The following CERKL variants were observed in gnomAD, a reference collection of about 807,000 sequenced individuals.
CERKL encodes ceramide kinase-like protein.
CERKL carries 61 observed loss-of-function variants against 63.4 expected under a neutral mutation model. That is an observed-to-expected ratio of 0.96 (90% confidence interval 0.78 to 1.19). The LOEUF is 1.19. Among genes scored for constraint, CERKL ranks in the 50% most tolerant of loss-of-function variants. CERKL has a pLI of 0.00. For missense variants in CERKL, 675 were observed against 655.5 expected (o/e 1.03, Z -0.33); for synonymous variants, 250 against 230.5 (o/e 1.08, Z -0.77).
Position 181,538,247 on chromosome 2 carries a change from G to T in CERKL, c.1539-3C>A, listed in dbSNP as rs539464631. ...GACTGATAAGTCTTGGATGCAATCT[G>T]TAAAGAAAATACATTATTTCATCAA... On this transcript the variant is annotated splice_region_variant and splice_polypyrimidine_tract_variant and intron_variant, in intron 12 of 12. Coordinates refer to ENST00000410087, the MANE Select transcript of CERKL (RefSeq NM_201548.5). 3 of 1,560,672 alleles carry T rather than the reference G, an allele frequency of 1.9e-6. No individual in the cohort carries two copies. Among genetic ancestry groups the T allele is most frequent in the South Asian group, 1.1e-5 (1 of 89,818 alleles).
chr2:181,611,468 G>A (rs990646610), intron 1 of CERKL, among the ~76,000 whole-genome samples: 1 of 152,050 alleles, frequency 6.6e-6, no homozygotes, highest in Admixed American at 6.6e-5. Flanking sequence ...AGACCAGCCT[G>A]GGCAACATAG....
intron 2 of CERKL, among the ~76,000 whole-genome samples, chr2:181,574,684 C>T (rs958411015): frequency 5.3e-5 from 8 of 152,022 alleles, no homozygotes; most frequent in Non-Finnish European, 8.8e-5. Flanking sequence ...AGCTGACAAC[C>T]GTTTCTTTTA....
intron 1 of CERKL, among the ~76,000 whole-genome samples, chr2:181,612,169 C>A (rs528818221): frequency 3.9e-5 from 6 of 152,196 alleles, no homozygotes; most frequent in African/African-American, 1.4e-4. Flanking sequence ...AGATTTGAAT[C>A]CAAGCATTTT....
Position 181,537,219 on chromosome 2 carries a change from TTC to T in CERKL, c.*963_*964del. 1 of 452,990 alleles carries T rather than the reference TTC, an allele frequency of 2.2e-6. No individual in the cohort carries two copies. Among genetic ancestry groups the T allele is most frequent in the African/African-American group, 2.0e-5 (1 of 50,046 alleles). 28.1% of individuals were successfully genotyped at this position (452,990 alleles called of 1,614,324 possible). On this transcript the variant is annotated 3_prime_UTR_variant, in exon 13 of 13. Transcript: ENST00000410087. ...AATCAAGCCCCGATTTAGAACTGTC[TTC>T]TCCAGGATGGTCTCTAAGGAAATTT...
chr2:181,609,264 AC>A (rs1181613910), intron 1 of CERKL, among the ~76,000 whole-genome samples: 1 of 99,400 alleles, frequency 1.0e-5, no homozygotes, highest in East Asian at 3.6e-4. Flanking sequence ...CCCTCCCCCC[AC>A]CCCAAGTAAC....
Position 181,538,003 on chromosome 2 carries a change from A to T in CERKL, c.*181T>A, listed in dbSNP as rs1687259659. 1.5e-6 allele frequency: 1 copy of T among 682,504 alleles called. No individual in the cohort carries two copies. The highest frequency in any genetic ancestry group is 1.5e-5 in the South Asian group (1 of 66,256). 42.3% of individuals were successfully genotyped at this position (682,504 alleles called of 1,614,324 possible). ...TCTAGAGTGCCATGTTCCTCAAGAG[A>T]ATCTAATGCCTGATGATCTGAGGTG... On this transcript the variant is annotated 3_prime_UTR_variant, in exon 13 of 13. Transcript: ENST00000410087.
At chr2:181,580,520 C>T (rs1257491498) in intron 2 of CERKL, among the ~76,000 whole-genome samples, 5 of 152,230 alleles carry the variant, frequency 3.3e-5, no homozygotes, top group East Asian at 1.9e-4. Context: ...AGTCTACTTA[C>T]ATTAGTTCCA....
At chr2:181,644,393 A>T (rs981296687) in intron 1 of CERKL, among the ~76,000 whole-genome samples, 4 of 152,262 alleles carry the variant, frequency 2.6e-5, no homozygotes, top group African/African-American at 9.6e-5. Context: ...AAACCCATGT[A>T]TGATTCTATA....
chr2:181,563,755 A>C (rs1160039301), intron 4 of CERKL, among the ~76,000 whole-genome samples: 1 of 152,096 alleles, frequency 6.6e-6, no homozygotes, highest in Non-Finnish European at 1.5e-5. Flanking sequence ...CCTTTGAAGT[A>C]CCTGAAGAAA....
rs772208256 is a variant in CERKL, at chr2:181,656,830, A to G, written c.177T>C (p.Cys59=). 139 of 1,603,436 alleles carry G rather than the reference A, an allele frequency of 8.7e-5. No individual in the cohort carries two copies. Among genetic ancestry groups the G allele is most frequent in the Non-Finnish European group, 1.1e-4 (134 of 1,173,002 alleles). ...RGIFEIGRDS[C]DVVLSERALR... ...GTGCTCGCTCGCTCAGCACCACGTC[A>G]CAACTGTCCCTCCCGATCTCGAAGA... The change falls in exon 1 of 13, where the codon TGT becomes TGC. Residue 59 remains cysteine, a synonymous_variant. Transcript: ENST00000410087.
chr2:181,596,955 C>T (rs899593040), intron 2 of CERKL, among the ~76,000 whole-genome samples: 1 of 152,064 alleles, frequency 6.6e-6, no homozygotes, highest in African/African-American at 2.4e-5. Context: ...AAATGCTATC[C>T]TTTTTTAATA....
intron 3 of CERKL, among the ~76,000 whole-genome samples, chr2:181,570,529 G>A (rs995577190): frequency 6.6e-6 from 1 of 152,110 alleles, no homozygotes; most frequent in African/African-American, 2.4e-5. Flanking sequence ...ATTTGTGTAC[G>A]AATAGGTAAT....
chr2:181,541,959 T>C (rs1374072920), intron 11 of CERKL, among the ~76,000 whole-genome samples: 1 of 152,188 alleles, frequency 6.6e-6, no homozygotes, highest in African/African-American at 2.4e-5. Context: ...ACAGAGGTCC[T>C]GCAGATAAGA....
At chr2:181,573,023 A>G (rs1393834332) in intron 3 of CERKL, among the ~76,000 whole-genome samples, 1 of 151,988 alleles carries the variant, frequency 6.6e-6, no homozygotes, top group Non-Finnish European at 1.5e-5. Context: ...TTTATTGCAA[A>G]TTTCCACTGT....
At chr2:181,572,341 T>C (rs971744772) in intron 3 of CERKL, among the ~76,000 whole-genome samples, 3 of 152,218 alleles carry the variant, frequency 2.0e-5, no homozygotes, top group African/African-American at 4.8e-5. Context: ...CCAAGTATGA[T>C]AGCTTATTCA....
intron 1 of CERKL, among the ~76,000 whole-genome samples, chr2:181,642,284 T>C (rs80241311): frequency 0.023 from 3,545 of 152,334 alleles, 89 homozygotes; most frequent in Admixed American, 0.061. Flanking sequence ...TACCAACAGA[T>C]GTCTCACTTG....
Position 181,537,712 on chromosome 2 carries a change from T to A in CERKL, c.*472A>T, listed in dbSNP as rs193186986. The A allele has an allele frequency of 9.7e-4, 377 of 389,476 alleles. 5 individuals carry two copies. In the East Asian group the frequency reaches 0.028, roughly 29 times the overall value. The allele number at this position is 389,476 out of a possible 1,614,324, so 24.1% of individuals were successfully genotyped here. A position where few individuals can be genotyped will look rare whatever the true frequency, so the allele number is the denominator to read the frequency against. ...TGATGTATTATGATGGTTGCAAAGTTTTTTTGTGTGTCCAATAAACACATT... is the reference window on the plus strand; with the variant it reads ...TGATGTATTATGATGGTTGCAAAGTATTTTTGTGTGTCCAATAAACACATT... On this transcript the variant is annotated 3_prime_UTR_variant, in exon 13 of 13. Transcript: ENST00000410087.
chr2:181,638,037 G>A (rs1687257445), intron 1 of CERKL, among the ~76,000 whole-genome samples: 1 of 152,116 alleles, frequency 6.6e-6, no homozygotes, highest in Non-Finnish European at 1.5e-5. Context: ...TAATGATGTT[G>A]TTATAGTTAG....
At chr2:181,634,780 C>T (rs1428248864) in intron 1 of CERKL, among the ~76,000 whole-genome samples, 1 of 152,092 alleles carries the variant, frequency 6.6e-6, no homozygotes, top group African/African-American at 2.4e-5. Flanking sequence ...TTATTTCAAC[C>T]TGATGTCCTA....
Sources: gnomAD v4.1 joint callset for allele counts (sites outside exome capture counted in the v4.1 genomes callset) on GRCh38, gnomAD v4.1.1 for gene constraint, MANE v1.5 for transcripts, NCBI Gene and HGNC (gene_info 2026-07-23, HGNC 2026-07-21) for gene names.